Variants in PRKN observed in about 807,000 individuals in gnomAD.
PRKN encodes parkin RBR E3 ubiquitin protein ligase.
PRKN carries 56 observed loss-of-function variants against 59.5 expected under a neutral mutation model. The observed-to-expected ratio is 0.94, with a 90% CI of 0.76 to 1.18. PRKN has a LOEUF of 1.18. PRKN is among the 50% of genes most tolerant of loss of function. PRKN has a pLI of 0.00. For synonymous variants in PRKN, 250 were observed against 222.1 expected (o/e 1.13, Z -1.12); for missense variants, 657 against 596.4 (o/e 1.10, Z -1.06).
chr6:161,507,687 C>G (rs1051971554), intron 9 of PRKN, among the ~76,000 whole-genome samples: 6 of 152,240 alleles, frequency 3.9e-5, no homozygotes, highest in African/African-American at 1.4e-4. Flanking sequence ...CTTCTCTCTG[C>G]TCCTGATGGT....
chr6:162,490,601 T>TTTC (rs1300660422), intron 1 of PRKN, among the ~76,000 whole-genome samples: 1 of 152,174 alleles, frequency 6.6e-6, no homozygotes, highest in African/African-American at 2.4e-5. Flanking sequence ...ACAAAACGAA[T>TTTC]TTCATGCTTA....
In PRKN at chr6:161,378,436, C is replaced by T. The variant is rs1562406555; in HGVS notation, c.1167+8358G>A. On this transcript the variant is annotated intron_variant, in intron 10 of 11. Coordinates refer to ENST00000366898, the MANE Select transcript of PRKN (RefSeq NM_004562.3). This position sits in a 1 kb window ranked among gnomAD's most constrained non-coding sequence, Gnocchi z 7.3. Reference sequence around the variant, plus strand: ...GCGGCACGGAGTCCTGTGTGTCCTCCACTCCTCGAGGAGACCAACTAACTG... The same window carrying T: ...GCGGCACGGAGTCCTGTGTGTCCTCTACTCCTCGAGGAGACCAACTAACTG... Among the ~76,000 whole-genome samples the T allele has an allele frequency of 1.3e-5, 2 of 152,198 alleles. No individual in the cohort carries two copies.
intron 4 of PRKN, among the ~76,000 whole-genome samples, chr6:162,080,876 C>T (rs1779029173): frequency 1.3e-5 from 2 of 152,100 alleles, no homozygotes; most frequent in South Asian, 4.1e-4. Flanking sequence ...CCTGTGGCTG[C>T]TTGATCATCT....
intron 9 of PRKN, among the ~76,000 whole-genome samples, chr6:161,491,549 C>T (rs931434659): frequency 6.6e-6 from 1 of 152,186 alleles, no homozygotes; most frequent in Admixed American, 6.5e-5. Context: ...GGTAAAGACA[C>T]ACATTTCAGA....
At chr6:162,581,992 G>A (rs1156644973) in intron 1 of PRKN, among the ~76,000 whole-genome samples, 1 of 152,100 alleles carries the variant, frequency 6.6e-6, no homozygotes, top group Non-Finnish European at 1.5e-5. Context: ...GGCTATAAAA[G>A]CCAAAAATTT....
chr6:161,859,610 C>CAAAAAAAAAAA (rs57747027), intron 6 of PRKN, among the ~76,000 whole-genome samples: 3 of 90,334 alleles, frequency 3.3e-5, no homozygotes, highest in Non-Finnish European at 6.5e-5. Context: ...GACTCTCTCT[C>CAAAAAAAAAAA]AAAAAAAAAA....
chr6:161,483,612 G>T lies in PRKN; in HGVS notation c.1083+65242C>A, dbSNP rs780198134. ...CCTCACATGTCACATCCCTAAAGGTGACATCTACATTAATGCCCCTCATCC... is the reference window on the plus strand; with the variant it reads ...CCTCACATGTCACATCCCTAAAGGTTACATCTACATTAATGCCCCTCATCC... On this transcript the variant is annotated intron_variant, in intron 9 of 11. Coordinates refer to ENST00000366898, the MANE Select transcript of PRKN (RefSeq NM_004562.3). The surrounding 1 kb of genome is among the most constrained non-coding windows in gnomAD (Gnocchi z 5.0). Among the ~76,000 whole-genome samples, 1 of 152,142 alleles carries T rather than the reference G, an allele frequency of 6.6e-6. No individual in the cohort carries two copies. The highest frequency in any genetic ancestry group is 2.4e-5 in the African/African-American group (1 of 41,440).
intron 2 of PRKN, among the ~76,000 whole-genome samples, chr6:162,359,591 TAA>T (rs34993229): frequency 0.06 from 8,795 of 146,388 alleles, 408 homozygotes; most frequent in East Asian, 0.17. Flanking sequence ...CTTTTAAAAT[TAA>T]AAAAAAAAAA....
rs187341255 is a variant in PRKN, at chr6:162,457,769, C to T, written c.8-14296G>A. Among the ~76,000 whole-genome samples the T allele has an allele frequency of 2.0e-4, 31 of 152,156 alleles. No individual in the cohort carries two copies. In the East Asian group the frequency reaches 5.8e-3, roughly 28 times the overall value. On this transcript the variant is annotated intron_variant, in intron 1 of 11. Transcript: ENST00000366898. ...GTATTTTTTTATAAATACTGCTTTG[C>T]TCATTTTTATATAGACAATTTTCAA...
At chr6:161,655,202 C>A (rs1400662425) in intron 7 of PRKN, among the ~76,000 whole-genome samples, 1 of 141,510 alleles carries the variant, frequency 7.1e-6, no homozygotes, top group East Asian at 2.1e-4. Context: ...ATGGGCCTGG[C>A]CCCTCATCAC....
intron 1 of PRKN, among the ~76,000 whole-genome samples, chr6:162,496,420 GCTAA>G (rs1793067007): frequency 2.6e-5 from 4 of 152,254 alleles, no homozygotes; most frequent in Admixed American, 2.6e-4. Context: ...TGGATATACA[GCTAA>G]CTCTTTATCA....
At chr6:162,061,751 A>G (rs1294423908) in intron 4 of PRKN, among the ~76,000 whole-genome samples, 1 of 152,208 alleles carries the variant, frequency 6.6e-6, no homozygotes, top group Non-Finnish European at 1.5e-5. Flanking sequence ...ATATTCATCC[A>G]CTTACCAAGT....
intron 6 of PRKN, among the ~76,000 whole-genome samples, chr6:161,849,038 G>A (rs10945782): frequency 0.45 from 68,878 of 151,968 alleles, 15,987 homozygotes; most frequent in African/African-American, 0.53. Context: ...GTTAGCCCTC[G>A]AGGCAGTTCC....
intron 2 of PRKN, among the ~76,000 whole-genome samples, chr6:162,378,760 A>T (rs1355857040): frequency 6.6e-6 from 1 of 152,228 alleles, no homozygotes; most frequent in Non-Finnish European, 1.5e-5. Flanking sequence ...ATAAAACCAC[A>T]ACTACTTAGG....
Position 161,584,987 on chromosome 6 carries a change from G to C in PRKN, c.872-15571C>G, listed in dbSNP as rs961746868. ...AATGTCAACAATGGCTTCTCCATTT[G>C]TATGAAGCCCAATTTGTATTTGGAG... is the stretch of plus-strand genomic sequence containing the variant. On this transcript the variant is annotated intron_variant, in intron 7 of 11. Coordinates refer to ENST00000366898, the MANE Select transcript of PRKN (RefSeq NM_004562.3). This position sits in a 1 kb window ranked among gnomAD's most constrained non-coding sequence, Gnocchi z 4.8. Among the ~76,000 whole-genome samples, 1 of 152,176 alleles carries C rather than the reference G, an allele frequency of 6.6e-6. No homozygotes were observed. Among genetic ancestry groups the C allele is most frequent in the African/African-American group, 2.4e-5 (1 of 41,436 alleles).
At chr6:162,525,169 T>C (rs1778229805) in intron 1 of PRKN, among the ~76,000 whole-genome samples, 1 of 152,092 alleles carries the variant, frequency 6.6e-6, no homozygotes. Flanking sequence ...GCTCTGCCCC[T>C]TTCTAGCTCT....
intron 7 of PRKN, among the ~76,000 whole-genome samples, chr6:161,732,976 C>T (rs779709938): frequency 2.0e-5 from 3 of 152,040 alleles, no homozygotes; most frequent in Non-Finnish European, 2.9e-5. Flanking sequence ...ATAATGAGGG[C>T]GTAGGAACCT....
intron 4 of PRKN, among the ~76,000 whole-genome samples, chr6:162,152,389 C>T (rs2000752): frequency 0.065 from 9,933 of 152,210 alleles, 693 homozygotes; most frequent in East Asian, 0.4. Flanking sequence ...CTACCTCAAG[C>T]TCACCAGGCC....
In PRKN at chr6:162,164,779, T is replaced by C. The variant is rs915995774; in HGVS notation, c.534+36352A>G. ...ATTAAAATGATCTCACCAAGCTTAA[T>C]CATCTCTAAATCTAAAATTTTCTAC... is the stretch of plus-strand genomic sequence containing the variant. On this transcript the variant is annotated intron_variant, in intron 4 of 11. Transcript: ENST00000366898. 2.0e-5 allele frequency among the ~76,000 whole-genome samples: 3 copies of C among 149,002 alleles called. 1 individual carries two copies. The highest frequency in any genetic ancestry group is 7.6e-5 in the African/African-American group (3 of 39,630).
Sources: allele counts gnomAD v4.1 joint callset (sites outside exome capture counted in the v4.1 genomes callset), GRCh38; gene constraint gnomAD v4.1.1; non-coding constraint Gnocchi (gnomAD v3.1); transcripts MANE v1.5; gene names NCBI Gene and HGNC (gene_info 2026-07-23, HGNC 2026-07-21).